RNF157: variants seen among roughly 807,000 people sequenced by gnomAD.
RNF157 encodes E3 ubiquitin ligase RNF157.
Under a neutral mutation model 88.3 loss-of-function variants are expected in RNF157, and 55 were observed. The ratio of observed to expected loss-of-function variants is 0.62; its 90% CI spans 0.50 to 0.78. RNF157 has a LOEUF of 0.78. Ranked by LOEUF, RNF157 falls within the 30% of genes least tolerant of loss-of-function variation. The probability of loss-of-function intolerance (pLI) is 0.00; values close to 1 mark genes in which losing one functional copy is unlikely to be tolerated. For missense variants in RNF157, 788 were observed against 860.8 expected (o/e 0.92, Z 1.06); for synonymous variants, 334 against 341.2 (o/e 0.98, Z 0.23).
intron 2 of RNF157, among the ~76,000 whole-genome samples, chr17:76,174,440 T>C (rs1310860839): frequency 6.6e-6 from 1 of 152,212 alleles, no homozygotes; most frequent in East Asian, 1.9e-4. Context: ...GGATTTGAAG[T>C]TCTGAGTTGT....
chr17:76,240,183 T>G lies in RNF157; in HGVS notation c.58A>C (p.Asn20His). ...TTGGGCGGGTAGCGGTACACGGAATTAGACGGGATGTCCACCTCCTCCACG... is the reference window on the plus strand; with the variant it reads ...TTGGGCGGGTAGCGGTACACGGAATGAGACGGGATGTCCACCTCCTCCACG... ...AGVEEVDIPS[N>H]SVYRYPPKSG... The change falls in exon 1 of 19, where the codon AAT becomes CAT. Residue 20 changes from asparagine to histidine, a missense_variant. Asn to His is a moderately conservative substitution (Grantham distance 68, BLOSUM62 1). Transcript: ENST00000269391. This position sits in a 1 kb window ranked among gnomAD's most constrained non-coding sequence, Gnocchi z 4.4. The G allele has an allele frequency of 7.1e-7, 1 of 1,404,456 alleles. No homozygotes were observed. The highest frequency in any genetic ancestry group is 9.4e-7 in the Non-Finnish European group (1 of 1,066,066). The allele number at this position is 1,404,456 out of a possible 1,614,324, so 87.0% of individuals were successfully genotyped here.
At chr17:76,200,101 G>T (rs1428441603) in intron 2 of RNF157, among the ~76,000 whole-genome samples, 2 of 152,088 alleles carry the variant, frequency 1.3e-5, no homozygotes, top group Non-Finnish European at 2.9e-5. Context: ...AATTAGCCGG[G>T]TGTGGTGGCG....
chr17:76,202,128 T>TCTCTCTCACA (rs1250661867), intron 2 of RNF157, among the ~76,000 whole-genome samples: 1,693 of 134,598 alleles, frequency 0.013, 16 homozygotes, highest in South Asian at 0.029. Flanking sequence ...TCTCTCTCTC[T>TCTCTCTCACA]CACACACACA....
intron 2 of RNF157, among the ~76,000 whole-genome samples, chr17:76,184,403 T>A (rs1221211797): frequency 6.6e-6 from 1 of 152,190 alleles, no homozygotes; most frequent in Non-Finnish European, 1.5e-5. Context: ...TTCCCAGCTT[T>A]CTCTGCTTCC....
chr17:76,147,503 A>G (rs557273598), intron 18 of RNF157: 259 of 175,784 alleles, frequency 1.5e-3, no homozygotes, highest in African/African-American at 5.6e-3. Flanking sequence ...TACAAACTCC[A>G]ACCTTCTATT....
At chr17:76,155,512 A>C in intron 15 of RNF157, 50 bp downstream of exon 15, 8 of 1,563,482 alleles carry the variant, frequency 5.1e-6, no homozygotes, top group Non-Finnish European at 7.0e-6. Context: ...TACTTTGGAC[A>C]TGTGCACAAA....
At position 76,144,252 on chromosome 17, in the gene RNF157, C is replaced by T. The variant is rs1598376925; in HGVS notation, c.*983G>A. Reference sequence around the variant, plus strand: ...ATGGAGTTGCAGGCCTCCCTGAATGCACCTGATCAGGAGAAATGCTCCTTA... The same window carrying T: ...ATGGAGTTGCAGGCCTCCCTGAATGTACCTGATCAGGAGAAATGCTCCTTA... On this transcript the variant is annotated 3_prime_UTR_variant, in exon 19 of 19. Coordinates refer to ENST00000269391, the MANE Select transcript of RNF157 (RefSeq NM_052916.3). 1 of 152,002 alleles carries T rather than the reference C, an allele frequency of 6.6e-6. No individual in the cohort carries two copies. Among genetic ancestry groups the T allele is most frequent in the South Asian group, 2.1e-4 (1 of 4,818 alleles). 9.4% of individuals were successfully genotyped at this position (152,002 alleles called of 1,614,324 possible).
In RNF157 at chr17:76,176,648, C is replaced by A. The variant is rs1167865296; in HGVS notation, c.208-2858G>T. ...AGACAGACAGCCCCTCCACAGCTTG[C>A]CGCCCTGGAGGCCACCCCATGGGGC... On this transcript the variant is annotated intron_variant, in intron 2 of 18. Coordinates refer to ENST00000269391, the MANE Select transcript of RNF157 (RefSeq NM_052916.3). The surrounding 1 kb of genome is among the most constrained non-coding windows in gnomAD (Gnocchi z 4.2). Among the ~76,000 whole-genome samples the A allele has an allele frequency of 3.9e-5, 6 of 152,178 alleles. No individual in the cohort carries two copies. Among genetic ancestry groups the A allele is most frequent in the African/African-American group, 1.4e-4 (6 of 41,452 alleles).
At chr17:76,152,131 T>C (rs1253619170) in intron 18 of RNF157, among the ~76,000 whole-genome samples, 1 of 152,216 alleles carries the variant, frequency 6.6e-6, no homozygotes, top group African/African-American at 2.4e-5. Flanking sequence ...TCTTTCTTCC[T>C]ATCCTAATAC....
At chr17:76,235,719 A>G (rs998189678) in intron 1 of RNF157, among the ~76,000 whole-genome samples, 2 of 152,202 alleles carry the variant, frequency 1.3e-5, no homozygotes, top group African/African-American at 4.8e-5. Flanking sequence ...CAGATGTGAT[A>G]CATCTATGGC....
chr17:76,239,738 C>G (rs1034777193), intron 1 of RNF157, among the ~76,000 whole-genome samples: 1 of 152,180 alleles, frequency 6.6e-6, no homozygotes, highest in African/African-American at 2.4e-5. Flanking sequence ...TCGCCTCCCT[C>G]GCGGCCCTCG....
At chr17:76,207,827 T>C (rs1389681916) in intron 2 of RNF157, among the ~76,000 whole-genome samples, 2 of 152,198 alleles carry the variant, frequency 1.3e-5, no homozygotes, top group Non-Finnish European at 1.5e-5. Context: ...TGTGCAGTAA[T>C]GGCAAAACCC....
chr17:76,154,822 G>A (rs1262297709), intron 16 of RNF157, among the ~76,000 whole-genome samples: 1 of 152,134 alleles, frequency 6.6e-6, no homozygotes, highest in Non-Finnish European at 1.5e-5. Flanking sequence ...CTGTCTGCCT[G>A]CTAGACTGGG....
rs185241916 is a variant in RNF157 at position 76,170,105 on chromosome 17, C to G, written c.297-2308G>C. Among the ~76,000 whole-genome samples the G allele has an allele frequency of 1.1e-3, 167 of 152,290 alleles. 1 individual carries two copies. Among genetic ancestry groups the G allele is most frequent in the African/African-American group, 3.9e-3 (163 of 41,564 alleles). The stretch of plus-strand genomic sequence containing the variant: ...ACTCTAGTCTCTTAGGTTTTCCTAT[C>G]CAGGCAGGTCCAATTTCCAGAAAAC... On this transcript the variant is annotated intron_variant, in intron 3 of 18. Coordinates refer to ENST00000269391, the MANE Select transcript of RNF157 (RefSeq NM_052916.3).
intron 1 of RNF157, among the ~76,000 whole-genome samples, chr17:76,221,379 A>C (rs892404241): frequency 2.0e-5 from 3 of 152,168 alleles, no homozygotes; most frequent in African/African-American, 7.2e-5. Flanking sequence ...GAAACCAGTT[A>C]ACCACCAGCT....
Position 76,144,339 on chromosome 17 carries a change from T to TC in RNF157, c.*895dup, listed in dbSNP as rs59610541. On this transcript the variant is annotated 3_prime_UTR_variant, in exon 19 of 19. Coordinates refer to ENST00000269391, the MANE Select transcript of RNF157 (RefSeq NM_052916.3). ...AGGGCTCCTTCTTTTTTTTTTTTTT[T>TC]CTCTGTCGCCCAGGCTGGAGTGCAT... is the stretch of plus-strand genomic sequence containing the variant. The TC allele has an allele frequency of 1.3e-5, 2 of 150,160 alleles. No individual in the cohort carries two copies. Among genetic ancestry groups the TC allele is most frequent in the East Asian group, 2.0e-4 (1 of 5,028 alleles). The allele number at this position is 150,160 out of a possible 1,614,324, so 9.3% of individuals were successfully genotyped here. A position where few individuals can be genotyped will look rare whatever the true frequency, so the allele number is the denominator to read the frequency against.
At chr17:76,156,744 G>C (rs2068770859) in intron 13 of RNF157, among the ~76,000 whole-genome samples, 1 of 152,234 alleles carries the variant, frequency 6.6e-6, no homozygotes. Context: ...GTTAATTCCT[G>C]CCCAGCTGCT....
chr17:76,183,022 C>A (rs192724375), intron 2 of RNF157, among the ~76,000 whole-genome samples: 1 of 151,898 alleles, frequency 6.6e-6, no homozygotes, highest in African/African-American at 2.4e-5. Flanking sequence ...CTCCGCCTCC[C>A]GGGTTCAAGC....
chr17:76,198,997 C>A (rs1260191960), intron 2 of RNF157, among the ~76,000 whole-genome samples: 3 of 152,226 alleles, frequency 2.0e-5, no homozygotes, highest in Non-Finnish European at 4.4e-5. Flanking sequence ...CTGTACAACT[C>A]CTTCAGGCAG....
Sources: allele counts gnomAD v4.1 joint callset (sites outside exome capture counted in the v4.1 genomes callset), GRCh38; gene constraint gnomAD v4.1.1; non-coding constraint Gnocchi (gnomAD v3.1); transcripts MANE v1.5; gene names NCBI Gene and HGNC (gene_info 2026-07-23, HGNC 2026-07-21).